The following CNBD1 variants were observed in gnomAD, a reference collection of about 807,000 sequenced individuals.
CNBD1 encodes cyclic nucleotide-binding domain-containing protein 1.
Under a neutral mutation model 54.4 loss-of-function variants are expected in CNBD1, and 71 were observed. The ratio of observed to expected loss-of-function variants is 1.30; its 90% CI spans 1.08 to 1.59. The LOEUF is 1.59. Among genes scored for constraint, CNBD1 ranks in the 40% most tolerant of loss-of-function variants. The probability of loss-of-function intolerance (pLI) is 0.00; values close to 1 mark genes in which losing one functional copy is unlikely to be tolerated. For synonymous variants in CNBD1, 182 were observed against 170.7 expected (o/e 1.07, Z -0.51); for missense variants, 659 against 518.0 (o/e 1.27, Z -2.64).
intron 4 of CNBD1, among the ~76,000 whole-genome samples, chr8:87,184,596 T>A (rs1813434310): frequency 6.6e-6 from 1 of 152,180 alleles, no homozygotes. Flanking sequence ...GCAGCTAGGA[T>A]CCTGGAGGTC....
chr8:86,874,924 G>T (rs1808491847), intron 1 of CNBD1, among the ~76,000 whole-genome samples: 1 of 146,880 alleles, frequency 6.8e-6, no homozygotes, highest in Non-Finnish European at 1.5e-5. Flanking sequence ...TTACTCCCAG[G>T]CCCTCTCAGT....
At chr8:87,026,785 G>A (rs1608720) in intron 4 of CNBD1, among the ~76,000 whole-genome samples, 6,110 of 152,052 alleles carry the variant, frequency 0.04, 412 homozygotes, top group African/African-American at 0.14. Flanking sequence ...TGAATTATAC[G>A]TAGGTATTTT....
intron 6 of CNBD1, among the ~76,000 whole-genome samples, chr8:87,262,205 A>G (rs1201112602): frequency 2.6e-5 from 4 of 152,152 alleles, no homozygotes; most frequent in African/African-American, 9.7e-5. Context: ...ATTGTTGAAC[A>G]TTATGTTTTT....
chr8:87,153,084 C>T (rs568608171), intron 4 of CNBD1, among the ~76,000 whole-genome samples: 2 of 152,212 alleles, frequency 1.3e-5, no homozygotes, highest in African/African-American at 4.8e-5. Context: ...GCTGTATGCT[C>T]GCATATGTCT....
In CNBD1 at chr8:87,220,518, A is replaced by C. The variant is rs867984935; in HGVS notation, c.577+14380A>C. Among the ~76,000 whole-genome samples, 815 of 98,490 alleles carry C rather than the reference A, an allele frequency of 8.3e-3. 10 individuals are homozygous for C. Among genetic ancestry groups the C allele is most frequent in the African/African-American group, 0.029 (767 of 26,026 alleles). The allele number at this position is 98,490 out of a possible 152,430, so 64.6% of individuals were successfully genotyped here. ...GTCCAAGTTTTTTTTTTTTTTTTTC[A>C]TTTTTTTGATGAGAGCTTTAATTCA... On this transcript the variant is annotated intron_variant, in intron 5 of 10. Transcript: ENST00000518476.
At chr8:87,383,066 T>C (rs1373267205), downstream of CNBD1, among the ~76,000 whole-genome samples, 1 of 152,052 alleles carries the variant, frequency 6.6e-6, no homozygotes, top group Non-Finnish European at 1.5e-5. Context: ...AAAGCATATG[T>C]AAAAGGCAAA....
chr8:87,070,489 A>G (rs1810738511), intron 4 of CNBD1, among the ~76,000 whole-genome samples: 1 of 152,138 alleles, frequency 6.6e-6, no homozygotes, highest in African/African-American at 2.4e-5. Context: ...ATATATTTAA[A>G]TGCTGAGAAT....
At chr8:87,112,753 A>AG (rs1554556372) in intron 4 of CNBD1, among the ~76,000 whole-genome samples, 1 of 151,346 alleles carries the variant, frequency 6.6e-6, no homozygotes, top group Non-Finnish European at 1.5e-5. Flanking sequence ...ATCAGATGAC[A>AG]CTTTGTCCAG....
In CNBD1 at chr8:87,422,990, A is replaced by G. The variant is rs908431255; in HGVS notation, c.214-5556A>G. Among the ~76,000 whole-genome samples, 585 of 151,896 alleles carry G rather than the reference A, an allele frequency of 3.9e-3. 6 individuals carry two copies. Among genetic ancestry groups the G allele is most frequent in the African/African-American group, 0.014 (560 of 41,266 alleles). ...AGTTCTCCTTGAAGAGGTCCTTCACATCCCTTGTAAGTTGGATTCCTAGGT... is the reference window on the plus strand; with the variant it reads ...AGTTCTCCTTGAAGAGGTCCTTCACGTCCCTTGTAAGTTGGATTCCTAGGT... On this transcript the variant is annotated intron_variant, in intron 2 of 7. Transcript: ENST00000521593.
At chr8:87,037,388 TA>T (rs1173486662) in intron 4 of CNBD1, among the ~76,000 whole-genome samples, 7 of 152,094 alleles carry the variant, frequency 4.6e-5, no homozygotes, top group African/African-American at 7.2e-5. Flanking sequence ...TCCATGGGTA[TA>T]AAAAAATTAT....
intron 1 of CNBD1, among the ~76,000 whole-genome samples, chr8:86,876,931 T>C (rs1808528974): frequency 6.6e-6 from 1 of 152,060 alleles, no homozygotes; most frequent in Non-Finnish European, 1.5e-5. Context: ...CTTTATGAAT[T>C]TTGATGGTAT....
At chr8:87,411,097 G>A (rs964933920) in intron 2 of CNBD1, among the ~76,000 whole-genome samples, 1 of 151,794 alleles carries the variant, frequency 6.6e-6, no homozygotes, top group African/African-American at 2.4e-5. Context: ...TGGGGGTCTG[G>A]AACAAAACCA....
At chr8:87,424,129 T>A (rs1452671831) in intron 2 of CNBD1, among the ~76,000 whole-genome samples, 1 of 152,180 alleles carries the variant, frequency 6.6e-6, no homozygotes, top group Non-Finnish European at 1.5e-5. Flanking sequence ...GATATCCCCT[T>A]TATCATTTTT....
intron 4 of CNBD1, among the ~76,000 whole-genome samples, chr8:87,025,757 G>C (rs1215344675): frequency 1.3e-5 from 2 of 152,164 alleles, no homozygotes; most frequent in Middle Eastern, 3.4e-3. Flanking sequence ...TCCTGAGGTC[G>C]GTGAGACCAC....
intron 2 of CNBD1, among the ~76,000 whole-genome samples, chr8:87,409,199 G>C (rs1333717666): frequency 6.6e-6 from 1 of 152,086 alleles, no homozygotes; most frequent in Non-Finnish European, 1.5e-5. Flanking sequence ...GTTTTACTCC[G>C]GTAAACATGC....
intron 8 of CNBD1, among the ~76,000 whole-genome samples, chr8:87,335,611 A>AG (rs141895761): frequency 6.6e-6 from 1 of 152,162 alleles, no homozygotes; most frequent in Non-Finnish European, 1.5e-5. Context: ...TGCACGTAAG[A>AG]GGGGTCTCTT....
At position 87,195,993 on chromosome 8, in the gene CNBD1, G is replaced by T. The variant is rs185440811; in HGVS notation, c.432-10000G>T. ...TACCCAAGTTAATGGCTTTTTTTAT[G>T]TGTTCTGTAATATAAATTGATTATG... On this transcript the variant is annotated intron_variant, in intron 4 of 10. Coordinates refer to ENST00000518476, the MANE Select transcript of CNBD1 (RefSeq NM_173538.3). Among the ~76,000 whole-genome samples, 295 of 152,042 alleles carry T rather than the reference G, an allele frequency of 1.9e-3. 6 individuals are homozygous for T. The highest frequency in any genetic ancestry group is 6.7e-3 in the African/African-American group (276 of 41,468).
intron 2 of CNBD1, among the ~76,000 whole-genome samples, chr8:87,412,779 A>G (rs1289421389): frequency 6.6e-6 from 1 of 151,624 alleles, no homozygotes; most frequent in Non-Finnish European, 1.5e-5. Context: ...CAGTATTTAA[A>G]GGGGAAACAT....
chr8:87,155,124 A>G (rs1436409457), intron 4 of CNBD1, among the ~76,000 whole-genome samples: 1 of 152,200 alleles, frequency 6.6e-6, no homozygotes, highest in Non-Finnish European at 1.5e-5. Flanking sequence ...GACTGTAAGA[A>G]TAAACAATAT....
Sources: gnomAD v4.1 joint callset for allele counts (sites outside exome capture counted in the v4.1 genomes callset) on GRCh38, gnomAD v4.1.1 for gene constraint, MANE v1.5 for transcripts, NCBI Gene and HGNC (gene_info 2026-07-23, HGNC 2026-07-21) for gene names.